DSCAML1: variants seen among roughly 807,000 people sequenced by gnomAD.
The protein encoded by DSCAML1 is cell adhesion molecule DSCAML1.
In DSCAML1, 38 loss-of-function variants were observed where a neutral mutation model predicts 200.5. The observed-to-expected ratio is 0.19, with a 90% CI of 0.15 to 0.25. The LOEUF (loss-of-function observed/expected upper bound fraction) is 0.25, where lower values mean the gene tolerates loss of function less well. Among genes scored for constraint, DSCAML1 ranks in the 10% least tolerant of loss-of-function variants. The pLI is 1.00. For missense variants in DSCAML1, 2,223 were observed against 2,858.8 expected (o/e 0.78, Z 5.07); for synonymous variants, 1,215 against 1,165.0 (o/e 1.04, Z -0.87).
intron 3 of DSCAML1, among the ~76,000 whole-genome samples, chr11:117,592,699 C>T (rs1277771514): frequency 6.6e-6 from 1 of 152,200 alleles, no homozygotes; most frequent in African/African-American, 2.4e-5. Flanking sequence ...CTTAAATAAC[C>T]CATGCAGTAA....
chr11:117,699,287 C>T (rs900120925), intron 3 of DSCAML1, among the ~76,000 whole-genome samples: 1 of 152,060 alleles, frequency 6.6e-6, no homozygotes, highest in African/African-American at 2.4e-5. Context: ...TTGGTGGCTG[C>T]CCCCGGGAGG....
intron 3 of DSCAML1, among the ~76,000 whole-genome samples, chr11:117,628,166 G>A (rs1182220515): frequency 1.3e-5 from 2 of 152,192 alleles, no homozygotes; most frequent in South Asian, 2.1e-4. Context: ...CTGCTGGGTC[G>A]ATGTGAAGAG....
intron 3 of DSCAML1, among the ~76,000 whole-genome samples, chr11:117,577,090 C>G (rs114289976): frequency 7.0e-4 from 106 of 152,310 alleles, no homozygotes; most frequent in African/African-American, 2.5e-3. Flanking sequence ...CATTAGGTAA[C>G]AGGAGCCTGT....
intron 3 of DSCAML1, among the ~76,000 whole-genome samples, chr11:117,681,332 C>CA (rs1384709956): frequency 6.6e-6 from 1 of 152,082 alleles, no homozygotes; most frequent in Admixed American, 6.5e-5. Context: ...CCCACAAACT[C>CA]AAAAAAATCT....
intron 3 of DSCAML1, among the ~76,000 whole-genome samples, chr11:117,739,913 G>C (rs1178858791): frequency 6.6e-6 from 1 of 152,204 alleles, no homozygotes; most frequent in Non-Finnish European, 1.5e-5. Flanking sequence ...CAGCCCCTTT[G>C]ACATAAAATA....
At chr11:117,496,740 G>C (rs2049296108) in intron 11 of DSCAML1, among the ~76,000 whole-genome samples, 1 of 152,210 alleles carries the variant, frequency 6.6e-6, no homozygotes, top group African/African-American at 2.4e-5. Context: ...TAAGAGCCCA[G>C]ATGAGACCCT....
Position 117,518,045 on chromosome 11 carries a change from A to G in DSCAML1, c.1510+421T>C, listed in dbSNP as rs1294649048. Among the ~76,000 whole-genome samples the G allele has an allele frequency of 3.3e-5, 5 of 152,158 alleles. No individual in the cohort carries two copies. Among genetic ancestry groups the G allele is most frequent in the African/African-American group, 1.2e-4 (5 of 41,436 alleles). ...GGGAGCACAGCTTGGGTGGGCAACC[A>G]TGTTAAAGACCAAGCCTGGTCCCCA... On this transcript the variant is annotated intron_variant, in intron 7 of 32. Transcript: ENST00000651296. This position sits in a 1 kb window ranked among gnomAD's most constrained non-coding sequence, Gnocchi z 6.3.
At chr11:117,666,146 G>A (rs2052970383) in intron 3 of DSCAML1, among the ~76,000 whole-genome samples, 1 of 152,170 alleles carries the variant, frequency 6.6e-6, no homozygotes, top group Non-Finnish European at 1.5e-5. Flanking sequence ...AGTATGGTGA[G>A]AGGGGCATGG....
intron 3 of DSCAML1, among the ~76,000 whole-genome samples, chr11:117,583,890 C>T (rs1390509287): frequency 1.3e-5 from 2 of 152,342 alleles, no homozygotes; most frequent in South Asian, 4.1e-4. Flanking sequence ...TTGCTCTTCT[C>T]CAGAAATTTG....
intron 3 of DSCAML1, among the ~76,000 whole-genome samples, chr11:117,543,847 A>G (rs868191883): frequency 9.9e-5 from 15 of 152,030 alleles, no homozygotes; most frequent in African/African-American, 3.1e-4. Flanking sequence ...TTAATACTAA[A>G]TGGGAGGCAG....
At chr11:117,490,041 A>G (rs1238319931) in intron 11 of DSCAML1, among the ~76,000 whole-genome samples, 1 of 152,106 alleles carries the variant, frequency 6.6e-6, no homozygotes, top group Non-Finnish European at 1.5e-5. Flanking sequence ...CTGCCTTATA[A>G]CCATGCGGAA....
chr11:117,553,874 C>T (rs2050512271), intron 3 of DSCAML1, among the ~76,000 whole-genome samples: 1 of 152,210 alleles, frequency 6.6e-6, no homozygotes. Flanking sequence ...CAGCATTATT[C>T]ACAATAGCCA....
intron 3 of DSCAML1, among the ~76,000 whole-genome samples, chr11:117,707,458 C>T (rs2053776008): frequency 6.6e-6 from 1 of 152,214 alleles, no homozygotes; most frequent in Non-Finnish European, 1.5e-5. Flanking sequence ...CAGGTCAGCC[C>T]ATTTAGCCCA....
rs1253182701 is a variant in DSCAML1, at chr11:117,782,430, TA to T, written c.47-1621del. ...CACCAGGCACTGCACTCATAGCAGC[TA>T]AAGGCACTTTCTTGGAGAGGGGAGC... On this transcript the variant is annotated intron_variant, in intron 1 of 32. Transcript: ENST00000651296. Among the ~76,000 whole-genome samples, 5 of 152,228 alleles carry T rather than the reference TA, an allele frequency of 3.3e-5. No homozygotes were observed. The East Asian group carries it at 7.7e-4, about 23-fold the overall frequency.
At chr11:117,722,412 CAG>C (rs1343677751) in intron 3 of DSCAML1, among the ~76,000 whole-genome samples, 1 of 151,622 alleles carries the variant, frequency 6.6e-6, no homozygotes, top group Non-Finnish European at 1.5e-5. Context: ...GGTTGATTAA[CAG>C]ATCCAAAGTT....
At chr11:117,721,271 C>T (rs1448235261) in intron 3 of DSCAML1, among the ~76,000 whole-genome samples, 1 of 152,340 alleles carries the variant, frequency 6.6e-6, no homozygotes, top group Middle Eastern at 3.4e-3. Flanking sequence ...GAAAGAACTT[C>T]TTCTCAACTG....
chr11:117,793,635 G>T (rs2055516930), intron 1 of DSCAML1, among the ~76,000 whole-genome samples: 1 of 152,116 alleles, frequency 6.6e-6, no homozygotes, highest in African/African-American at 2.4e-5. Flanking sequence ...TTTGGGGCCT[G>T]CTTCCCTACC....
At chr11:117,654,989 T>C (rs1279039689) in intron 3 of DSCAML1, among the ~76,000 whole-genome samples, 1 of 152,200 alleles carries the variant, frequency 6.6e-6, no homozygotes, top group Non-Finnish European at 1.5e-5. Context: ...CACGCTTGTC[T>C]CCCAGCCCTG....
At chr11:117,512,325 G>A (rs902553935) in intron 8 of DSCAML1, among the ~76,000 whole-genome samples, 1 of 152,092 alleles carries the variant, frequency 6.6e-6, no homozygotes, top group Non-Finnish European at 1.5e-5. Context: ...ATGCCCACGG[G>A]CACCTCCTCC....
Sources: gnomAD v4.1 joint callset for allele counts (sites outside exome capture counted in the v4.1 genomes callset) on GRCh38, gnomAD v4.1.1 for gene constraint, Gnocchi (gnomAD v3.1) non-coding constraint, MANE v1.5 for transcripts, NCBI Gene and HGNC (gene_info 2026-07-23, HGNC 2026-07-21) for gene names.